Variants in PLCE1 observed in about 807,000 individuals in gnomAD.
The protein encoded by PLCE1 is 1-phosphatidylinositol 4,5-bisphosphate phosphodiesterase epsilon-1.
PLCE1 carries 119 observed loss-of-function variants against 242.8 expected under a neutral mutation model. That is an observed-to-expected ratio of 0.49 (90% CI 0.42 to 0.57). The LOEUF is 0.57. Ranked by LOEUF, PLCE1 falls within the 20% of genes least tolerant of loss-of-function variation. The pLI, the probability that PLCE1 is intolerant of heterozygous loss-of-function variation, is 0.00. For synonymous variants in PLCE1, 945 were observed against 1,017.4 expected (o/e 0.93, Z 1.35); for missense variants, 2,441 against 2,788.8 (o/e 0.88, Z 2.81).
intron 2 of PLCE1, among the ~76,000 whole-genome samples, chr10:94,049,599 G>GTCTCTC (rs547011018): frequency 6.6e-6 from 1 of 150,606 alleles, no homozygotes; most frequent in African/African-American, 2.5e-5. Flanking sequence ...CTGTCTGTCT[G>GTCTCTC]TCTCTCTCTC....
intron 4 of PLCE1, among the ~76,000 whole-genome samples, chr10:94,220,791 G>T (rs947410514): frequency 2.0e-5 from 3 of 152,156 alleles, no homozygotes; most frequent in African/African-American, 7.2e-5. Context: ...GAGGTAAACA[G>T]TATGCCCATT....
chr10:94,052,040 T>C (rs1028470601), intron 2 of PLCE1, among the ~76,000 whole-genome samples: 1 of 152,214 alleles, frequency 6.6e-6, no homozygotes, highest in Non-Finnish European at 1.5e-5. Flanking sequence ...ATTTCTTATT[T>C]AATTTTGTAA....
At chr10:94,088,027 T>A (rs1427364133) in intron 2 of PLCE1, 1 of 152,216 alleles carries the variant, frequency 6.6e-6, no homozygotes, top group Non-Finnish European at 1.5e-5. Context: ...CTCTGCAGGG[T>A]GTTGAGCATG....
At chr10:94,313,424 G>C (rs2053453077) in intron 28 of PLCE1, 42 bp downstream of exon 28, 1 of 1,607,736 alleles carries the variant, frequency 6.2e-7, no homozygotes, top group Non-Finnish European at 8.5e-7. Flanking sequence ...CAAAATCTAA[G>C]ATGTATGGAT....
intron 23 of PLCE1, among the ~76,000 whole-genome samples, chr10:94,294,449 G>A (rs2052739248): frequency 6.6e-6 from 1 of 152,092 alleles, no homozygotes; most frequent in African/African-American, 2.4e-5. Flanking sequence ...TCCTTTTTAA[G>A]ATAATCCAAA....
chr10:94,246,757 C>G, intron 8 of PLCE1, 136 bp downstream of exon 8: 1 of 709,038 alleles, frequency 1.4e-6, no homozygotes, highest in Non-Finnish European at 2.4e-6. Flanking sequence ...TTTTACTTAA[C>G]CTCTTGGTAC....
intron 3 of PLCE1, among the ~76,000 whole-genome samples, chr10:94,135,994 T>G (rs914238565): frequency 1.3e-5 from 2 of 152,118 alleles, no homozygotes; most frequent in African/African-American, 4.8e-5. Context: ...TGAAGAAGGA[T>G]GGAAGGAGGT....
intron 2 of PLCE1, among the ~76,000 whole-genome samples, chr10:94,038,017 T>C (rs2061697127): frequency 6.6e-6 from 1 of 152,164 alleles, no homozygotes; most frequent in Non-Finnish European, 1.5e-5. Context: ...TGGTAGTATG[T>C]GGCCTGAAAA....
chr10:94,315,066 G>T, intron 28 of PLCE1: 1 of 219,342 alleles, frequency 4.6e-6, no homozygotes, highest in Non-Finnish European at 9.2e-6. Context: ...ATATAAAGCA[G>T]GACTGAGCAG....
intron 2 of PLCE1, among the ~76,000 whole-genome samples, chr10:94,077,276 A>G (rs1028324137): frequency 6.6e-6 from 1 of 152,182 alleles, no homozygotes; most frequent in Non-Finnish European, 1.5e-5. Flanking sequence ...ACTGGCATCT[A>G]ATGGGTAGTG....
intron 3 of PLCE1, among the ~76,000 whole-genome samples, chr10:94,168,664 G>A (rs1233458436): frequency 6.6e-6 from 1 of 152,098 alleles, no homozygotes; most frequent in East Asian, 1.9e-4. Context: ...CAAATGTATT[G>A]CAGTTTCCCA....
chr10:94,254,067 C>T lies in PLCE1; in HGVS notation c.3280-123C>T, dbSNP rs1408820. 0.29 allele frequency: 227,814 copies of T among 784,288 alleles called. 33,706 individuals carry two copies. The highest frequency in any genetic ancestry group is 0.34 in the South Asian group (24,611 of 73,246). The allele number at this position is 784,288 out of a possible 1,614,324, so 48.6% of individuals were successfully genotyped here. A position where few individuals can be genotyped will look rare whatever the true frequency, so the allele number is the denominator to read the frequency against. On this transcript the variant is annotated intron_variant, in intron 9 of 32. Transcript: ENST00000371380. ...GGTCAGCCTTAATGTAGGTCTTTACCGGTTTTACCAGGAAGAGGCAGTATT... is the reference window on the plus strand; with the variant it reads ...GGTCAGCCTTAATGTAGGTCTTTACTGGTTTTACCAGGAAGAGGCAGTATT...
intron 7 of PLCE1, among the ~76,000 whole-genome samples, chr10:94,239,711 C>T (rs1013241380): frequency 4.6e-5 from 7 of 152,128 alleles, no homozygotes; most frequent in African/African-American, 1.4e-4. Context: ...TCGTTAGAGA[C>T]GCGCCTGGAC....
At chr10:94,079,476 C>T (rs1241910592) in intron 2 of PLCE1, among the ~76,000 whole-genome samples, 1 of 152,048 alleles carries the variant, frequency 6.6e-6, no homozygotes, top group Non-Finnish European at 1.5e-5. Flanking sequence ...GGAGGGATAG[C>T]ATTAGGAGAA....
intron 2 of PLCE1, among the ~76,000 whole-genome samples, chr10:94,109,922 A>G (rs2045890576): frequency 6.7e-6 from 1 of 148,684 alleles, no homozygotes; most frequent in Non-Finnish European, 1.5e-5. Context: ...GATTTGTTGT[A>G]TGTTTTTAGA....
intron 2 of PLCE1, chr10:94,106,929 T>TCTCTCTCTCTCTCC: frequency 7.9e-6 from 1 of 126,916 alleles, no homozygotes; most frequent in Non-Finnish European, 1.7e-5. Flanking sequence ...TCTCTCTCTC[T>TCTCTCTCTCTCTCC]CTCTCTCTCT....
intron 1 of PLCE1, among the ~76,000 whole-genome samples, chr10:93,999,524 T>C (rs954326343): frequency 1.3e-5 from 2 of 152,180 alleles, no homozygotes; most frequent in Non-Finnish European, 2.9e-5. Flanking sequence ...AAATGCAATG[T>C]TGGAATTGGT....
chr10:94,191,847 T>A (rs558528757), intron 4 of PLCE1, among the ~76,000 whole-genome samples: 1 of 152,154 alleles, frequency 6.6e-6, no homozygotes, highest in East Asian at 1.9e-4. Flanking sequence ...AAGTAGTGAG[T>A]TTCTTATAAC....
chr10:94,068,507 A>T (rs1434785686), intron 2 of PLCE1, among the ~76,000 whole-genome samples: 1 of 152,172 alleles, frequency 6.6e-6, no homozygotes, highest in East Asian at 1.9e-4. Context: ...ATACAAGAGG[A>T]TGTGTGTGGA....
Sources: gnomAD v4.1 joint callset for allele counts (sites outside exome capture counted in the v4.1 genomes callset) on GRCh38, gnomAD v4.1.1 for gene constraint, MANE v1.5 for transcripts, NCBI Gene and HGNC (gene_info 2026-07-23, HGNC 2026-07-21) for gene names.